CAMTA1: variants seen among roughly 807,000 people sequenced by gnomAD.
CAMTA1 encodes calmodulin binding transcription activator 1.
CAMTA1 carries 27 observed loss-of-function variants against 170.9 expected under a neutral mutation model. That is an observed-to-expected ratio of 0.16 (90% CI 0.12 to 0.22). The LOEUF (loss-of-function observed/expected upper bound fraction) is 0.22. Ranked by LOEUF, CAMTA1 falls within the 10% of genes least tolerant of loss-of-function variation. The pLI is 1.00. For missense variants in CAMTA1, 1,619 were observed against 2,217.2 expected (o/e 0.73, Z 5.42); for synonymous variants, 833 against 891.5 (o/e 0.93, Z 1.17).
chr1:7,508,424 A>G (rs2149859971), intron 6 of CAMTA1, among the ~76,000 whole-genome samples: 1 of 152,322 alleles, frequency 6.6e-6, no homozygotes, highest in Non-Finnish European at 1.5e-5. Flanking sequence ...AGTCCTGACG[A>G]TTATTTTGAA....
Position 7,769,667 on chromosome 1 carries a change from C to CT in CAMTA1, c.*3179dup, listed in dbSNP as rs1311476099. 2 of 152,446 alleles carry CT rather than the reference C, an allele frequency of 1.3e-5. No homozygotes were observed. The highest frequency in any genetic ancestry group is 4.8e-5 in the African/African-American group (2 of 41,424). 9.4% of individuals were successfully genotyped at this position (152,446 alleles called of 1,614,324 possible). ...AAATGTTTTCTGAATGCTTTATATT[C>CT]TTTCTGCTGTAAATTAAAAATGAAG... On this transcript the variant is annotated 3_prime_UTR_variant, in exon 23 of 23. Coordinates refer to ENST00000303635, the MANE Select transcript of CAMTA1 (RefSeq NM_015215.4).
At chr1:6,907,748 G>A (rs1678848261) in intron 3 of CAMTA1, among the ~76,000 whole-genome samples, 1 of 152,178 alleles carries the variant, frequency 6.6e-6, no homozygotes, top group Non-Finnish European at 1.5e-5. Flanking sequence ...CAGAAGTAGC[G>A]TGGGCATGTG....
intron 7 of CAMTA1, among the ~76,000 whole-genome samples, chr1:7,654,302 C>T (rs140705516): frequency 3.0e-4 from 45 of 152,142 alleles, no homozygotes; most frequent in African/African-American, 8.7e-4. Flanking sequence ...ATTGCTTGAA[C>T]CCAAGGGTCG....
At chr1:7,284,621 C>T (rs1048091674) in intron 5 of CAMTA1, among the ~76,000 whole-genome samples, 2 of 152,204 alleles carry the variant, frequency 1.3e-5, no homozygotes, top group East Asian at 1.9e-4. Context: ...CTTCATGCGA[C>T]GTTTGCTGTG....
intron 5 of CAMTA1, among the ~76,000 whole-genome samples, chr1:7,356,178 T>C (rs895053611): frequency 6.6e-6 from 1 of 152,204 alleles, no homozygotes; most frequent in Admixed American, 6.5e-5. Flanking sequence ...GCTGGGGTGT[T>C]CTTACACACC....
At chr1:6,837,448 A>G (rs906164357) in intron 3 of CAMTA1, among the ~76,000 whole-genome samples, 2 of 152,182 alleles carry the variant, frequency 1.3e-5, no homozygotes, top group Non-Finnish European at 2.9e-5. Context: ...CAGAGAGACA[A>G]GGGGAAAACA....
At position 7,286,173 on chromosome 1, in the gene CAMTA1, A is replaced by T. The variant is rs1672320934; in HGVS notation, c.438+36547A>T. 6.6e-6 allele frequency among the ~76,000 whole-genome samples: 1 copy of T among 152,110 alleles called. No homozygotes were observed. The highest frequency in any genetic ancestry group is 6.5e-5 in the Admixed American group (1 of 15,284). ...GAGTGAGCCTGCTGGTGGGGGGCAG[A>T]GAGGAAAGACCTCACAGGGAGATTG... On this transcript the variant is annotated intron_variant, in intron 5 of 22. Transcript: ENST00000303635. This position sits in a 1 kb window ranked among gnomAD's most constrained non-coding sequence, Gnocchi z 4.2.
intron 4 of CAMTA1, among the ~76,000 whole-genome samples, chr1:7,147,854 ACACT>A (rs749889688): frequency 4.3e-5 from 6 of 141,048 alleles, no homozygotes; most frequent in Non-Finnish European, 9.8e-5. Context: ...ATGCACACAC[ACACT>A]CATACACCAT....
chr1:7,499,382 T>G (rs1294578736), intron 6 of CAMTA1, among the ~76,000 whole-genome samples: 1 of 126,574 alleles, frequency 7.9e-6, no homozygotes. Flanking sequence ...TGTATATGAG[T>G]GTGTGTGTGC....
chr1:6,868,517 G>A (rs953839675), intron 3 of CAMTA1, among the ~76,000 whole-genome samples: 3 of 151,952 alleles, frequency 2.0e-5, no homozygotes, highest in Non-Finnish European at 4.4e-5. Flanking sequence ...TATGCCTGAG[G>A]TGAAAATGGC....
intron 3 of CAMTA1, among the ~76,000 whole-genome samples, chr1:7,073,544 C>A (rs770982540): frequency 1.2e-4 from 18 of 152,000 alleles, no homozygotes; most frequent in Non-Finnish European, 2.4e-4. Flanking sequence ...GAAGAACCAG[C>A]AAAGGAAACT....
intron 7 of CAMTA1, among the ~76,000 whole-genome samples, chr1:7,645,750 C>T (rs182876804): frequency 1.3e-5 from 2 of 152,284 alleles, no homozygotes; most frequent in Non-Finnish European, 2.9e-5. Flanking sequence ...CTCTGCAGCA[C>T]TGGGCGGGCG....
At chr1:6,933,070 CT>C (rs886836800) in intron 3 of CAMTA1, among the ~76,000 whole-genome samples, 87 of 147,062 alleles carry the variant, frequency 5.9e-4, no homozygotes, top group African/African-American at 1.8e-3. Flanking sequence ...CAATCATCAT[CT>C]TTTTTTTTTA....
intron 3 of CAMTA1, among the ~76,000 whole-genome samples, chr1:6,908,953 A>T (rs1679138182): frequency 6.6e-6 from 1 of 152,276 alleles, no homozygotes; most frequent in South Asian, 2.1e-4. Context: ...CTGCTCGATC[A>T]ATTTAAATTT....
chr1:7,630,675 G>A (rs2095663162), intron 6 of CAMTA1, among the ~76,000 whole-genome samples: 3 of 152,236 alleles, frequency 2.0e-5, no homozygotes. Context: ...CTTGCGTAAT[G>A]AGGGCAGCCA....
rs1026924507 is a variant in CAMTA1 at position 7,569,223 on chromosome 1, CCATCATCATCACCATCAT to C, written c.511-71162_511-71145del. Among the ~76,000 whole-genome samples, 18 of 148,504 alleles carry C rather than the reference CCATCATCATCACCATCAT, an allele frequency of 1.2e-4. 1 individual carries two copies. Among genetic ancestry groups the C allele is most frequent in the African/African-American group, 4.4e-4 (17 of 38,838 alleles). On this transcript the variant is annotated intron_variant, in intron 6 of 22. Coordinates refer to ENST00000303635, the MANE Select transcript of CAMTA1 (RefSeq NM_015215.4). ...TTATCATCACCATTACCACCATCAT[CCATCATCATCACCATCAT>C]CATCATCATCACCAAATCACCATCA...
chr1:6,938,441 G>A (rs1460885840), intron 3 of CAMTA1, among the ~76,000 whole-genome samples: 1 of 152,146 alleles, frequency 6.6e-6, no homozygotes, highest in African/African-American at 2.4e-5. Context: ...GGAGGTGCCA[G>A]GCTCTGCTCC....
At chr1:7,011,002 A>G (rs530447279) in intron 3 of CAMTA1, among the ~76,000 whole-genome samples, 3 of 152,188 alleles carry the variant, frequency 2.0e-5, no homozygotes, top group South Asian at 4.2e-4. Context: ...GGGCAAATGA[A>G]TGTTCCAACC....
rs774379560 is a variant in CAMTA1 at position 7,592,295 on chromosome 1, TTG to T, written c.511-48102_511-48101del. 1.2e-4 allele frequency among the ~76,000 whole-genome samples: 19 copies of T among 152,132 alleles called. No individual in the cohort carries two copies. Among genetic ancestry groups the T allele is most frequent in the Non-Finnish European group, 2.6e-4 (18 of 68,022 alleles). ...TCCTTGCCATCACTGTCCTTCCCCT[TTG>T]TGCTAGCTCACCGGACTGGCAGCAG... On this transcript the variant is annotated intron_variant, in intron 6 of 22. Transcript: ENST00000303635. This position sits in a 1 kb window ranked among gnomAD's most constrained non-coding sequence, Gnocchi z 4.6.
Sources: allele counts gnomAD v4.1 joint callset (sites outside exome capture counted in the v4.1 genomes callset), GRCh38; gene constraint gnomAD v4.1.1; non-coding constraint Gnocchi (gnomAD v3.1); transcripts MANE v1.5; gene names NCBI Gene and HGNC (gene_info 2026-07-23, HGNC 2026-07-21).